The following OPCML variants were observed in gnomAD, a reference collection of about 807,000 sequenced individuals.
OPCML encodes opioid binding protein/cell adhesion molecule like.
Under a neutral mutation model 37.8 loss-of-function variants are expected in OPCML, and 13 were observed. That is an observed-to-expected ratio of 0.34 (90% CI 0.22 to 0.55). The LOEUF (loss-of-function observed/expected upper bound fraction) is 0.55, where lower values mean the gene tolerates loss of function less well. Among genes scored for constraint, OPCML ranks in the 20% least tolerant of loss-of-function variants. The pLI is 0.91. For missense variants in OPCML, 341 were observed against 435.6 expected, an observed-to-expected ratio of 0.78 and a Z score of 1.93; for synonymous variants, 176 against 168.8, an observed-to-expected ratio of 1.04 and a Z score of -0.33.
At chr11:132,846,067 A>G (rs1042726345) in intron 2 of OPCML, among the ~76,000 whole-genome samples, 1 of 152,192 alleles carries the variant, frequency 6.6e-6, no homozygotes, top group African/African-American at 2.4e-5. Context: ...TTAATTAAAG[A>G]AAAGGGCAGG....
At chr11:132,449,862 C>T (rs1402401000) in intron 4 of OPCML, among the ~76,000 whole-genome samples, 7 of 152,194 alleles carry the variant, frequency 4.6e-5, no homozygotes, top group African/African-American at 1.7e-4. Flanking sequence ...TTTCCTGGCT[C>T]TTTTCATGAG....
rs1396141254 is a variant in OPCML, at chr11:132,437,363, G to A, written c.506-4C>T. ...TCACTTACAAAGCCCTGGCCTTCTG[G>A]GAAGAAAGAAGCAGACAGGAAACAA... On this transcript the variant is annotated splice_polypyrimidine_tract_variant and splice_region_variant and intron_variant, in intron 4 of 7. Transcript: ENST00000524381. 2 of 1,613,834 alleles carry A rather than the reference G, an allele frequency of 1.2e-6. No homozygotes were observed. The highest frequency in any genetic ancestry group is 2.2e-5 in the South Asian group (2 of 90,974).
chr11:132,811,934 C>G (rs1439716126), intron 2 of OPCML, among the ~76,000 whole-genome samples: 4 of 152,122 alleles, frequency 2.6e-5, no homozygotes, highest in Non-Finnish European at 5.9e-5. Context: ...TGTTGCTTAT[C>G]CTCAAATTAT....
intron 1 of OPCML, among the ~76,000 whole-genome samples, chr11:133,440,969 G>A (rs1353949273): frequency 2.0e-5 from 3 of 151,026 alleles, no homozygotes; most frequent in Admixed American, 2.0e-4. Flanking sequence ...AAAGAAACAG[G>A]AAATTGTCAT....
intron 2 of OPCML, among the ~76,000 whole-genome samples, chr11:132,898,150 G>A (rs1056263820): frequency 6.6e-5 from 10 of 152,184 alleles, no homozygotes; most frequent in Non-Finnish European, 1.2e-4. Context: ...GTGCTCAGTT[G>A]GCCTGTTGCA....
intron 1 of OPCML, among the ~76,000 whole-genome samples, chr11:133,207,663 C>A (rs1308771224): frequency 1.3e-5 from 2 of 152,108 alleles, no homozygotes; most frequent in South Asian, 2.1e-4. Context: ...TTAAAGAAAT[C>A]GATATCTGAG....
chr11:132,906,144 T>C lies in OPCML; in HGVS notation c.146+36782A>G, dbSNP rs1944232705. Reference sequence around the variant, plus strand: ...CTCTTTCCCTCTGCCCCTACTAGAATGGGGGCACCTTTCATCGATGCATTA... The same window carrying C: ...CTCTTTCCCTCTGCCCCTACTAGAACGGGGGCACCTTTCATCGATGCATTA... On this transcript the variant is annotated intron_variant, in intron 2 of 7. Coordinates refer to ENST00000524381, the MANE Select transcript of OPCML (RefSeq NM_001012393.5). Among the ~76,000 whole-genome samples, 4 of 152,296 alleles carry C rather than the reference T, an allele frequency of 2.6e-5. No individual in the cohort carries two copies. In the South Asian group the frequency reaches 8.3e-4, roughly 32 times the overall value.
At chr11:132,424,009 A>G (rs997539073) in intron 7 of OPCML, among the ~76,000 whole-genome samples, 8 of 152,186 alleles carry the variant, frequency 5.3e-5, no homozygotes, top group African/African-American at 1.9e-4. Flanking sequence ...CCAAGATGAT[A>G]CAATTTTGAA....
chr11:132,689,110 C>T (rs1452194128), intron 2 of OPCML, among the ~76,000 whole-genome samples: 1 of 152,104 alleles, frequency 6.6e-6, no homozygotes, highest in Non-Finnish European at 1.5e-5. Flanking sequence ...CCCGGGAATG[C>T]TGTTTCAGTC....
chr11:132,415,548 C>CAAG lies in OPCML; in HGVS notation c.*4644_*4645insCTT, dbSNP rs1331966783. On this transcript the variant is annotated 3_prime_UTR_variant, in exon 8 of 8. Transcript: ENST00000524381. Reference sequence around the variant, plus strand: ...TAGAATGTAGCCTCAAAAGGATGGTCGAGGGTTCGCAATCTTTCTTTCTCC... The same window carrying CAAG: ...TAGAATGTAGCCTCAAAAGGATGGTCAAGGAGGGTTCGCAATCTTTCTTTCTCC... The CAAG allele has an allele frequency of 6.6e-6, 1 of 152,150 alleles. No individual in the cohort carries two copies. The highest frequency in any genetic ancestry group is 1.5e-5 in the Non-Finnish European group (1 of 68,030). The allele number at this position is 152,150 out of a possible 1,614,324, so 9.4% of individuals were successfully genotyped here.
chr11:133,284,958 G>A (rs1188494412), intron 1 of OPCML, among the ~76,000 whole-genome samples: 1 of 152,056 alleles, frequency 6.6e-6, no homozygotes, highest in Non-Finnish European at 1.5e-5. Context: ...GGGGGCAGTG[G>A]GGGTGGGGTG....
rs543448275 is a variant in OPCML at position 132,624,297 on chromosome 11, A to G, written c.379+32790T>C. On this transcript the variant is annotated intron_variant, in intron 3 of 7. Coordinates refer to ENST00000524381, the MANE Select transcript of OPCML (RefSeq NM_001012393.5). ...GTTTGTATAGTTGGCTTCCCACCAC[A>G]CCCTTACTGAAACTGCTCATATCAC... Among the ~76,000 whole-genome samples, 17 of 152,194 alleles carry G rather than the reference A, an allele frequency of 1.1e-4. No homozygotes were observed. The East Asian group carries it at 3.3e-3, about 29-fold the overall frequency.
chr11:133,282,425 C>T (rs1942183773), intron 1 of OPCML, among the ~76,000 whole-genome samples: 1 of 152,212 alleles, frequency 6.6e-6, no homozygotes. Context: ...AGCAGGCTCA[C>T]AGAATGCAAG....
At chr11:132,910,120 A>T (rs1175795969) in intron 2 of OPCML, among the ~76,000 whole-genome samples, 1 of 152,102 alleles carries the variant, frequency 6.6e-6, no homozygotes, top group East Asian at 1.9e-4. Flanking sequence ...TACAGAAGGC[A>T]CTCCTCCTCT....
At chr11:132,588,800 T>G (rs2096478706) in intron 3 of OPCML, among the ~76,000 whole-genome samples, 1 of 152,226 alleles carries the variant, frequency 6.6e-6, no homozygotes, top group Non-Finnish European at 1.5e-5. Flanking sequence ...AGGTTGTGCG[T>G]CAGCTTCTCT....
chr11:133,193,758 T>C (rs1938419335), intron 1 of OPCML, among the ~76,000 whole-genome samples: 1 of 152,198 alleles, frequency 6.6e-6, no homozygotes, highest in Admixed American at 6.5e-5. Flanking sequence ...CAAAGATTTA[T>C]GGTCGGCATA....
At chr11:132,794,863 C>A (rs1938203813) in intron 2 of OPCML, among the ~76,000 whole-genome samples, 1 of 149,748 alleles carries the variant, frequency 6.7e-6, no homozygotes, top group Non-Finnish European at 1.5e-5. Context: ...CCCAATTTGA[C>A]CTATCAACCT....
At chr11:133,332,700 C>T (rs559291041) in intron 1 of OPCML, among the ~76,000 whole-genome samples, 2 of 152,250 alleles carry the variant, frequency 1.3e-5, no homozygotes, top group African/African-American at 4.8e-5. Context: ...TTTTATGTAT[C>T]TACTGAAATA....
intron 2 of OPCML, among the ~76,000 whole-genome samples, chr11:132,922,695 A>C (rs1396482527): frequency 6.6e-6 from 1 of 152,168 alleles, no homozygotes; most frequent in African/African-American, 2.4e-5. Context: ...AGAGTAAAGC[A>C]AAAAATTGTT....
Sources: gnomAD v4.1 joint callset for allele counts (sites outside exome capture counted in the v4.1 genomes callset) on GRCh38, gnomAD v4.1.1 for gene constraint, MANE v1.5 for transcripts, NCBI Gene and HGNC (gene_info 2026-07-23, HGNC 2026-07-21) for gene names.